The following ADGRD1 variants were observed in gnomAD, a reference collection of about 807,000 sequenced individuals.
ADGRD1 encodes adhesion G protein-coupled receptor D1.
Under a neutral mutation model 113.4 loss-of-function variants are expected in ADGRD1, and 77 were observed. That is an observed-to-expected ratio of 0.68 (90% CI 0.57 to 0.82). The LOEUF (loss-of-function observed/expected upper bound fraction) is 0.82. Among genes scored for constraint, ADGRD1 ranks in the 40% least tolerant of loss-of-function variants. The pLI, the probability that ADGRD1 is intolerant of heterozygous loss-of-function variation, is 0.00. For synonymous variants in ADGRD1, 474 were observed against 475.0 expected (o/e 1.00, Z 0.03); for missense variants, 1,036 against 1,139.1 (o/e 0.91, Z 1.30).
chr12:131,117,998 C>T (rs537448981), intron 18 of ADGRD1, among the ~76,000 whole-genome samples: 1 of 152,348 alleles, frequency 6.6e-6, no homozygotes, highest in Admixed American at 6.5e-5. Context: ...ATGACTTAAG[C>T]CATTGCCAGT....
intron 20 of ADGRD1, among the ~76,000 whole-genome samples, chr12:131,127,386 C>T (rs1372688062): frequency 1.3e-5 from 2 of 152,266 alleles, no homozygotes; most frequent in Admixed American, 1.3e-4. Context: ...TTCAGCTTTA[C>T]AGCTGAGAGG....
intron 4 of ADGRD1, among the ~76,000 whole-genome samples, chr12:130,976,043 C>T (rs1872265380): frequency 6.6e-6 from 1 of 152,228 alleles, no homozygotes; most frequent in African/African-American, 2.4e-5. Context: ...GAGGCAGCAG[C>T]TGGAGCATCT....
chr12:130,995,736 T>C (rs200935860), intron 8 of ADGRD1, among the ~76,000 whole-genome samples: 1 of 50,778 alleles, frequency 2.0e-5, no homozygotes, highest in Admixed American at 3.3e-4. Flanking sequence ...AACTGAAATC[T>C]TTTTTTTTTT....
At chr12:130,979,856 C>T (rs545529026) in intron 4 of ADGRD1, among the ~76,000 whole-genome samples, 85 of 150,562 alleles carry the variant, frequency 5.6e-4, no homozygotes, top group African/African-American at 2.0e-3. Context: ...CACACACACA[C>T]ACACACTGGA....
Position 130,984,039 on chromosome 12 carries a change from T to C in ADGRD1, c.490+1976T>C, listed in dbSNP as rs1873335970. 6.6e-6 allele frequency among the ~76,000 whole-genome samples: 1 copy of C among 152,218 alleles called. No individual in the cohort carries two copies. The highest frequency in any genetic ancestry group is 2.4e-5 in the African/African-American group (1 of 41,454). On this transcript the variant is annotated intron_variant, in intron 5 of 24. Transcript: ENST00000261654. The surrounding 1 kb of genome is among the most constrained non-coding windows in gnomAD (Gnocchi z 4.1). ...GGAGGTTGGTCTTCCCTCTACCAAC[T>C]CACTCCCATGTTGGTTAACATTATA...
Position 131,084,679 on chromosome 12 carries a change from CAG to C in ADGRD1, c.1671+17_1671+18del, listed in dbSNP as rs1566094870. 1.9e-6 allele frequency: 3 copies of C among 1,613,368 alleles called. No individual in the cohort carries two copies. The highest frequency in any genetic ancestry group is 1.7e-5 in the Admixed American group (1 of 59,980). On this transcript the variant is annotated intron_variant, in intron 15 of 24. Coordinates refer to ENST00000261654, the MANE Select transcript of ADGRD1 (RefSeq NM_198827.5). The surrounding 1 kb of genome is among the most constrained non-coding windows in gnomAD (Gnocchi z 4.5). ...CCCGCTGGAGGTAAGAGCCAGGCCTCAGGGGTCGCGGGACCTGGGGGACGTAC... is the reference window on the plus strand; with the variant it reads ...CCCGCTGGAGGTAAGAGCCAGGCCTCGGGTCGCGGGACCTGGGGGACGTAC...
In ADGRD1 at chr12:131,004,432, A is replaced by C. The variant is rs367808575; in HGVS notation, c.1255+136A>C. On this transcript the variant is annotated intron_variant, in intron 11 of 24. Coordinates refer to ENST00000261654, the MANE Select transcript of ADGRD1 (RefSeq NM_198827.5). ...CGGGCCGCCTGCGGTGCTCCCCCGGACTGCCTGTCCTGTCCTGCAGGAGAG... is the reference window on the plus strand; with the variant it reads ...CGGGCCGCCTGCGGTGCTCCCCCGGCCTGCCTGTCCTGTCCTGCAGGAGAG... 8 of 310,416 alleles carry C rather than the reference A, an allele frequency of 2.6e-5. No homozygotes were observed. The East Asian group carries it at 2.9e-4, about 11-fold the overall frequency. The allele number at this position is 310,416 out of a possible 1,614,324, so 19.2% of individuals were successfully genotyped here.
intron 18 of ADGRD1, among the ~76,000 whole-genome samples, chr12:131,116,880 T>C (rs1470359707): frequency 6.6e-6 from 1 of 152,228 alleles, no homozygotes; most frequent in Non-Finnish European, 1.5e-5. Flanking sequence ...CCCCACTTTC[T>C]GAATAACGAG....
intron 13 of ADGRD1, among the ~76,000 whole-genome samples, chr12:131,074,101 C>G (rs932030197): frequency 6.6e-6 from 1 of 152,190 alleles, no homozygotes; most frequent in Non-Finnish European, 1.5e-5. Flanking sequence ...CATGTATCTC[C>G]TAGAAGGAGA....
chr12:131,137,813 CGCCCGCCCACCCGCCT>C, intron 23 of ADGRD1: 1 of 147,262 alleles, frequency 6.8e-6, no homozygotes, highest in Non-Finnish European at 1.4e-5. Flanking sequence ...CATGGAAGCC[CGCCCGCCCACCCGCCT>C]GCCTGCCCAC....
chr12:131,111,726 A>C (rs749858887), intron 18 of ADGRD1, among the ~76,000 whole-genome samples: 19 of 151,988 alleles, frequency 1.3e-4, no homozygotes, highest in Admixed American at 2.0e-4. Flanking sequence ...TGGATTTTTA[A>C]AATTTCAGTT....
At chr12:130,982,117 CTG>C (rs200313521) in intron 5 of ADGRD1, 54 bp downstream of exon 5, 15,973 of 1,473,442 alleles carry the variant, frequency 0.011, 127 homozygotes, top group Middle Eastern at 0.014. Context: ...GGAGTCTTCT[CTG>C]AGAATGGACG....
chr12:131,122,581 A>C (rs530978508), intron 20 of ADGRD1, among the ~76,000 whole-genome samples: 8 of 152,240 alleles, frequency 5.3e-5, no homozygotes, highest in African/African-American at 1.7e-4. Context: ...CCAGTCATCA[A>C]ACTCCTGGCC....
intron 13 of ADGRD1, among the ~76,000 whole-genome samples, chr12:131,051,438 G>C (rs1566066716): frequency 6.6e-6 from 1 of 151,728 alleles, no homozygotes; most frequent in Non-Finnish European, 1.5e-5. Flanking sequence ...TGGAGGAGAA[G>C]ATCCTTGAGA....
rs1012062070 is a variant in ADGRD1, at chr12:131,084,744, C to T, written c.1671+81C>T. ...GGTGGGGGCGGGAGGATGCTTTGCC[C>T]GCCAGTGCCCACGGGCCCTGGGCAC... is the stretch of plus-strand genomic sequence containing the variant. On this transcript the variant is annotated intron_variant, in intron 15 of 24. Transcript: ENST00000261654. This position sits in a 1 kb window ranked among gnomAD's most constrained non-coding sequence, Gnocchi z 4.5. The T allele has an allele frequency of 1.9e-5, 29 of 1,489,992 alleles. No homozygotes were observed. In the East Asian group the frequency reaches 5.0e-4, roughly 26 times the overall value. 92.3% of individuals were successfully genotyped at this position (1,489,992 alleles called of 1,614,324 possible).
At chr12:130,994,966 G>A (rs545727058) in intron 8 of ADGRD1, among the ~76,000 whole-genome samples, 2 of 152,312 alleles carry the variant, frequency 1.3e-5, no homozygotes, top group South Asian at 4.2e-4. Flanking sequence ...GCAGGCCGGA[G>A]CCACTGTGGC....
intron 13 of ADGRD1, among the ~76,000 whole-genome samples, chr12:131,047,072 C>T (rs1277854291): frequency 6.6e-6 from 1 of 151,114 alleles, no homozygotes; most frequent in Non-Finnish European, 1.5e-5. Context: ...CGTCAATGCT[C>T]CTCCCTGGTC....
chr12:130,957,177 CATGT>C (rs1446984479), intron 2 of ADGRD1: 6 of 152,410 alleles, frequency 3.9e-5, no homozygotes, highest in Non-Finnish European at 5.9e-5. Context: ...CATCAACATA[CATGT>C]ATTTACACAT....
Position 131,003,405 on chromosome 12 carries a change from T to TCTCCCTGACTGCTCTGC in ADGRD1, c.1144+106_1144+122dup. On this transcript the variant is annotated intron_variant, in intron 10 of 24. Transcript: ENST00000261654. The surrounding 1 kb of genome is among the most constrained non-coding windows in gnomAD (Gnocchi z 4.8). ...ACCCTTAGCAGAGAGCCATGCTCTG[T>TCTCCCTGACTGCTCTGC]CTCCCTGACTGCTCTGCCTGGCACA... 2.4e-6 allele frequency: 2 copies of TCTCCCTGACTGCTCTGC among 837,400 alleles called. No individual in the cohort carries two copies. Among genetic ancestry groups the TCTCCCTGACTGCTCTGC allele is most frequent in the South Asian group, 1.4e-5 (1 of 69,638 alleles). 51.9% of individuals were successfully genotyped at this position (837,400 alleles called of 1,614,324 possible).
Sources: gnomAD v4.1 joint callset for allele counts (sites outside exome capture counted in the v4.1 genomes callset) on GRCh38, gnomAD v4.1.1 for gene constraint, Gnocchi (gnomAD v3.1) non-coding constraint, MANE v1.5 for transcripts, NCBI Gene and HGNC (gene_info 2026-07-23, HGNC 2026-07-21) for gene names.